Variants in PPP1R9A observed in about 807,000 individuals in gnomAD.
PPP1R9A encodes the protein protein phosphatase 1 regulatory subunit 9A, also known as neurabin-1.
A neutral mutation model predicts 141.9 loss-of-function variants in PPP1R9A; 59 were observed. The observed-to-expected ratio is 0.42, with a 90% CI of 0.34 to 0.52. The LOEUF (loss-of-function observed/expected upper bound fraction) is 0.52. Among genes scored for constraint, PPP1R9A ranks in the 20% least tolerant of loss-of-function variants. The pLI, the probability that PPP1R9A is intolerant of heterozygous loss-of-function variation, is 0.10. For missense variants in PPP1R9A, 1,444 were observed against 1,611.9 expected, an observed-to-expected ratio of 0.90 and a Z score of 1.78; for synonymous variants, 500 against 569.7, an observed-to-expected ratio of 0.88 and a Z score of 1.74.
intron 2 of PPP1R9A, among the ~76,000 whole-genome samples, chr7:95,109,598 T>C (rs528328772): frequency 1.3e-5 from 2 of 152,288 alleles, no homozygotes; most frequent in East Asian, 3.9e-4. Flanking sequence ...CCCAGCACTT[T>C]GGGAGGCCAA....
At position 95,293,630 on chromosome 7, in the gene PPP1R9A, A is replaced by G. The variant is rs1806666032; in HGVS notation, c.*3327A>G. ...ATGAGGAACCAGATTTACCTTTGCC[A>G]CTATCTGTGACCCTGTAATCATCAC... is the stretch of plus-strand genomic sequence containing the variant. On this transcript the variant is annotated 3_prime_UTR_variant, in exon 20 of 20. Transcript: ENST00000433360. 6.6e-6 allele frequency: 1 copy of G among 152,202 alleles called. No homozygotes were observed. The highest frequency in any genetic ancestry group is 2.4e-5 in the African/African-American group (1 of 41,468). 9.4% of individuals were successfully genotyped at this position (152,202 alleles called of 1,614,324 possible). A position where few individuals can be genotyped will look rare whatever the true frequency, so the allele number is the denominator to read the frequency against.
intron 18 of PPP1R9A, among the ~76,000 whole-genome samples, chr7:95,287,810 C>T (rs854540): frequency 0.27 from 41,720 of 152,004 alleles, 6,676 homozygotes; most frequent in Middle Eastern, 0.49. Flanking sequence ...CTCAGCCTCT[C>T]GAATAACTGG....
At chr7:95,206,937 A>C (rs759023531) in intron 7 of PPP1R9A, among the ~76,000 whole-genome samples, 8 of 152,078 alleles carry the variant, frequency 5.3e-5, no homozygotes, top group Admixed American at 2.0e-4. Context: ...AAATAAATCT[A>C]TCACCCCAGG....
At chr7:95,072,830 T>C (rs1258384337) in intron 2 of PPP1R9A, among the ~76,000 whole-genome samples, 1 of 59,086 alleles carries the variant, frequency 1.7e-5, no homozygotes, top group Admixed American at 3.4e-4. Flanking sequence ...TTATTATATA[T>C]ATAATAATTA....
At chr7:95,037,544 A>C (rs964819734) in intron 2 of PPP1R9A, among the ~76,000 whole-genome samples, 11 of 152,182 alleles carry the variant, frequency 7.2e-5, no homozygotes, top group Non-Finnish European at 1.3e-4. Flanking sequence ...TGAAAGGTTC[A>C]TGGCTGAATC....
At chr7:95,273,396 A>G (rs1802544217) in intron 14 of PPP1R9A, among the ~76,000 whole-genome samples, 1 of 152,174 alleles carries the variant, frequency 6.6e-6, no homozygotes, top group African/African-American at 2.4e-5. Context: ...CAGAGAAGAA[A>G]ACTTTGACTC....
intron 4 of PPP1R9A, among the ~76,000 whole-genome samples, chr7:95,153,881 A>G (rs550848281): frequency 6.6e-6 from 1 of 152,304 alleles, no homozygotes; most frequent in East Asian, 1.9e-4. Flanking sequence ...ATATATGTGT[A>G]TCTAGAAATT....
At chr7:95,284,979 AG>A (rs1056576111) in intron 17 of PPP1R9A, among the ~76,000 whole-genome samples, 1 of 152,202 alleles carries the variant, frequency 6.6e-6, no homozygotes, top group African/African-American at 2.4e-5. Flanking sequence ...AATTCTTTTC[AG>A]TTTCAATTTA....
chr7:95,136,187 G>A (rs1456839666), intron 4 of PPP1R9A, among the ~76,000 whole-genome samples: 1 of 151,986 alleles, frequency 6.6e-6, no homozygotes, highest in Non-Finnish European at 1.5e-5. Flanking sequence ...GAAATAAAAG[G>A]CATAATTTCA....
intron 14 of PPP1R9A, among the ~76,000 whole-genome samples, chr7:95,270,411 A>G (rs186688430): frequency 7.9e-5 from 12 of 152,260 alleles, no homozygotes. Flanking sequence ...TTACCCTAAC[A>G]GGAGTTGGCG....
intron 2 of PPP1R9A, among the ~76,000 whole-genome samples, chr7:94,954,321 A>G (rs189701046): frequency 1.1e-3 from 168 of 152,034 alleles, no homozygotes; most frequent in African/African-American, 4.0e-3. Flanking sequence ...TTTTTTACTG[A>G]CAGTTTTTTA....
chr7:95,135,191 T>C (rs1825426958), intron 4 of PPP1R9A, among the ~76,000 whole-genome samples: 1 of 152,244 alleles, frequency 6.6e-6, no homozygotes, highest in African/African-American at 2.4e-5. Context: ...CATATTTACA[T>C]GTATGTGTAC....
intron 2 of PPP1R9A, among the ~76,000 whole-genome samples, chr7:95,020,834 G>A (rs576535225): frequency 2.0e-5 from 3 of 152,234 alleles, no homozygotes; most frequent in East Asian, 1.9e-4. Context: ...ATAGTATTCC[G>A]TGGTGTATAT....
At chr7:94,997,339 G>A (rs1802323841) in intron 2 of PPP1R9A, among the ~76,000 whole-genome samples, 1 of 151,546 alleles carries the variant, frequency 6.6e-6, no homozygotes, top group Non-Finnish European at 1.5e-5. Flanking sequence ...TTTTTTATTG[G>A]ATGTTGGATA....
chr7:95,236,977 G>A (rs1488237063), intron 8 of PPP1R9A, among the ~76,000 whole-genome samples: 2 of 151,040 alleles, frequency 1.3e-5, no homozygotes, highest in Admixed American at 6.6e-5. Flanking sequence ...GCTATATTGT[G>A]TTATGGGTTG....
At chr7:95,192,396 T>C (rs1426500029) in intron 5 of PPP1R9A, among the ~76,000 whole-genome samples, 2 of 152,050 alleles carry the variant, frequency 1.3e-5, no homozygotes, top group Non-Finnish European at 2.9e-5. Context: ...AGATAGGAAA[T>C]GGCATCTCTA....
At chr7:95,074,704 C>T (rs1814573309) in intron 2 of PPP1R9A, among the ~76,000 whole-genome samples, 1 of 151,922 alleles carries the variant, frequency 6.6e-6, no homozygotes, top group African/African-American at 2.4e-5. Flanking sequence ...AAACTTCCAA[C>T]CTCAGGTGAT....
In PPP1R9A at chr7:95,128,627, A is replaced by G. The variant is rs142627528; in HGVS notation, c.1649+7795A>G. 3.9e-3 allele frequency among the ~76,000 whole-genome samples: 592 copies of G among 152,190 alleles called. 3 individuals carry two copies. The highest frequency in any genetic ancestry group is 0.022 in the South Asian group (104 of 4,816). ...GTTTCGCTTTTGTTGCCCAGGCTAG[A>G]GTGCAATGGTGCGATCTTGGCTCAC... On this transcript the variant is annotated intron_variant, in intron 4 of 19. Coordinates refer to ENST00000433360, the MANE Select transcript of PPP1R9A (RefSeq NM_001166160.2).
intron 2 of PPP1R9A, among the ~76,000 whole-genome samples, chr7:94,978,984 A>G (rs1799782230): frequency 6.6e-6 from 1 of 152,116 alleles, no homozygotes; most frequent in Admixed American, 6.6e-5. Flanking sequence ...TTTGGTAAAG[A>G]TGGGGTTTTG....
Sources: allele counts gnomAD v4.1 joint callset (sites outside exome capture counted in the v4.1 genomes callset), GRCh38; gene constraint gnomAD v4.1.1; transcripts MANE v1.5; gene names NCBI Gene and HGNC (gene_info 2026-07-23, HGNC 2026-07-21).